Variants in SNTG1 observed in about 807,000 individuals in gnomAD.
SNTG1 encodes the protein gamma-1-syntrophin.
A neutral mutation model predicts 74.7 loss-of-function variants in SNTG1; 39 were observed. The observed-to-expected ratio is 0.52, with a 90% CI of 0.40 to 0.68. The LOEUF (loss-of-function observed/expected upper bound fraction) is 0.68. SNTG1 is among the 30% of genes least tolerant of loss of function. The probability of loss-of-function intolerance (pLI) is 0.00; values close to 1 mark genes in which losing one functional copy is unlikely to be tolerated. For synonymous variants in SNTG1, 254 were observed against 217.1 expected (o/e 1.17, Z -1.49); for missense variants, 685 against 609.5 (o/e 1.12, Z -1.30).
At chr8:50,375,507 T>C (rs1329040429) in intron 2 of SNTG1, among the ~76,000 whole-genome samples, 3 of 151,658 alleles carry the variant, frequency 2.0e-5, no homozygotes, top group Non-Finnish European at 4.4e-5. Context: ...TGAGCATGAG[T>C]GTGAATGAGG....
chr8:50,353,014 C>T (rs959941621), intron 2 of SNTG1, among the ~76,000 whole-genome samples: 5 of 152,042 alleles, frequency 3.3e-5, no homozygotes, highest in African/African-American at 1.2e-4. Context: ...CCTAATGTCC[C>T]TCAATGATAG....
At chr8:50,290,293 A>G (rs2089021532) in intron 2 of SNTG1, among the ~76,000 whole-genome samples, 3 of 152,190 alleles carry the variant, frequency 2.0e-5, no homozygotes, top group Non-Finnish European at 2.9e-5. Context: ...ATTTCTCCCT[A>G]AGATACTCAA....
chr8:50,085,368 A>G (rs148040520), intron 1 of SNTG1, among the ~76,000 whole-genome samples: 209 of 152,330 alleles, frequency 1.4e-3, no homozygotes, highest in Non-Finnish European at 2.3e-3. Context: ...TCTATACTAT[A>G]TAGTTAGTAC....
intron 4 of SNTG1, among the ~76,000 whole-genome samples, chr8:50,416,136 A>G (rs2093010609): frequency 6.6e-6 from 1 of 152,196 alleles, no homozygotes; most frequent in African/African-American, 2.4e-5. Context: ...CTTAAACAAA[A>G]TGTCCCAAGT....
At chr8:49,957,007 G>A (rs1810240274) in intron 1 of SNTG1, among the ~76,000 whole-genome samples, 1 of 152,142 alleles carries the variant, frequency 6.6e-6, no homozygotes, top group Non-Finnish European at 1.5e-5. Context: ...GGAGGGTGAG[G>A]GAAATGGAGG....
chr8:50,099,837 G>C (rs2080059003), intron 1 of SNTG1, among the ~76,000 whole-genome samples: 1 of 151,954 alleles, frequency 6.6e-6, no homozygotes, highest in African/African-American at 2.4e-5. Context: ...ATTATTTGCA[G>C]TTTTTTTGCT....
chr8:50,658,124 T>A (rs1282636333), intron 14 of SNTG1, among the ~76,000 whole-genome samples: 1 of 152,156 alleles, frequency 6.6e-6, no homozygotes, highest in Admixed American at 6.5e-5. Flanking sequence ...CCTAAGTAAG[T>A]GAAATAACTG....
chr8:49,982,023 C>A (rs1176573870), intron 1 of SNTG1, among the ~76,000 whole-genome samples: 1 of 151,862 alleles, frequency 6.6e-6, no homozygotes. Flanking sequence ...ATGGAGAAAA[C>A]AATAGCTTTA....
At chr8:50,667,743 A>C (rs1163418124) in intron 15 of SNTG1, among the ~76,000 whole-genome samples, 2 of 152,020 alleles carry the variant, frequency 1.3e-5, no homozygotes, top group African/African-American at 4.8e-5. Flanking sequence ...GACTATAATT[A>C]TATCCATTTT....
Position 50,218,754 on chromosome 8 carries a change from A to G in SNTG1, c.-28+46119A>G, listed in dbSNP as rs1178142339. The stretch of plus-strand genomic sequence containing the variant: ...GCAATGTAGAAGACTACTTGCCCAA[A>G]TAGCCTTTGTAATACATTACAAATT... On this transcript the variant is annotated intron_variant, in intron 2 of 18. Coordinates refer to ENST00000642720, the MANE Select transcript of SNTG1 (RefSeq NM_018967.5). 3.3e-5 allele frequency among the ~76,000 whole-genome samples: 5 copies of G among 152,190 alleles called. No individual in the cohort carries two copies. The East Asian group carries it at 9.6e-4, about 29-fold the overall frequency.
At chr8:50,614,489 T>A (rs928727423) in intron 13 of SNTG1, among the ~76,000 whole-genome samples, 2 of 152,074 alleles carry the variant, frequency 1.3e-5, no homozygotes, top group Admixed American at 1.3e-4. Flanking sequence ...AAATTGGATA[T>A]CTAATGGTAG....
intron 2 of SNTG1, among the ~76,000 whole-genome samples, chr8:50,300,415 T>C (rs2089595713): frequency 6.6e-6 from 1 of 152,116 alleles, no homozygotes; most frequent in Admixed American, 6.6e-5. Context: ...GAAAAACATA[T>C]CTTAAATCTG....
At position 50,453,272 on chromosome 8, in the gene SNTG1, GATGGGATTCTGTAACCAA is replaced by G. The variant is rs527867671; in HGVS notation, c.363+2547_363+2564del. ...GCAGTAGGTGCTCAGTAGATTTGTG[GATGGGATTCTGTAACCAA>G]ATGCCTAGAATTAGATCATGGAAGC... On this transcript the variant is annotated intron_variant, in intron 8 of 18. Coordinates refer to ENST00000642720, the MANE Select transcript of SNTG1 (RefSeq NM_018967.5). 3.7e-3 allele frequency among the ~76,000 whole-genome samples: 557 copies of G among 152,300 alleles called. 1 individual carries two copies. Among genetic ancestry groups the G allele is most frequent in the Non-Finnish European group, 5.6e-3 (384 of 68,030 alleles).
At chr8:50,191,840 C>A (rs1031477833) in intron 2 of SNTG1, among the ~76,000 whole-genome samples, 3 of 152,012 alleles carry the variant, frequency 2.0e-5, no homozygotes, top group Admixed American at 2.0e-4. Context: ...AATATTTGTC[C>A]TCTCAGTATA....
chr8:50,024,504 G>C (rs1178687970), intron 1 of SNTG1, among the ~76,000 whole-genome samples: 1 of 151,946 alleles, frequency 6.6e-6, no homozygotes, highest in Non-Finnish European at 1.5e-5. Flanking sequence ...TACATTTTCT[G>C]TCCAAAAGCC....
intron 2 of SNTG1, among the ~76,000 whole-genome samples, chr8:50,260,032 T>C (rs371951640): frequency 6.6e-6 from 1 of 152,056 alleles, no homozygotes; most frequent in African/African-American, 2.4e-5. Context: ...ACCAAAAAGA[T>C]TGGAGAAAAA....
chr8:50,026,700 C>CGTGT (rs145360652), intron 1 of SNTG1, among the ~76,000 whole-genome samples: 84 of 149,966 alleles, frequency 5.6e-4, no homozygotes, highest in African/African-American at 1.9e-3. Context: ...TTTGTGTGTA[C>CGTGT]GTGTGTGTGT....
At chr8:50,693,709 G>A (rs1284993320) in intron 15 of SNTG1, among the ~76,000 whole-genome samples, 2 of 152,102 alleles carry the variant, frequency 1.3e-5, no homozygotes, top group African/African-American at 4.8e-5. Flanking sequence ...AATCATTTAA[G>A]CCACAAGACA....
intron 1 of SNTG1, among the ~76,000 whole-genome samples, chr8:50,051,581 G>A (rs1261095964): frequency 6.6e-6 from 1 of 152,074 alleles, no homozygotes; most frequent in African/African-American, 2.4e-5. Flanking sequence ...GTTGTCAAGA[G>A]AGCCATGCTC....
Sources: gnomAD v4.1 joint callset for allele counts (sites outside exome capture counted in the v4.1 genomes callset) on GRCh38, gnomAD v4.1.1 for gene constraint, MANE v1.5 for transcripts, NCBI Gene and HGNC (gene_info 2026-07-23, HGNC 2026-07-21) for gene names.